Variants in NCKAP1 observed in about 807,000 individuals in gnomAD.
The protein encoded by NCKAP1 is NCK associated protein 1, also known as nck-associated protein 1.
In NCKAP1, 21 loss-of-function variants were observed where a neutral mutation model predicts 151.2. That is an observed-to-expected ratio of 0.14 (90% CI 0.10 to 0.20). The LOEUF (loss-of-function observed/expected upper bound fraction) is 0.20. Ranked by LOEUF, NCKAP1 falls within the 10% of genes least tolerant of loss-of-function variation. The pLI, the probability that NCKAP1 is intolerant of heterozygous loss-of-function variation, is 1.00. For missense variants in NCKAP1, 933 were observed against 1,352.1 expected (o/e 0.69, Z 4.86); for synonymous variants, 484 against 451.8 (o/e 1.07, Z -0.90).
At chr2:182,926,194 T>A (rs1298356378) in intron 30 of NCKAP1, among the ~76,000 whole-genome samples, 1 of 151,810 alleles carries the variant, frequency 6.6e-6, no homozygotes, top group Non-Finnish European at 1.5e-5. Context: ...AAACCAAACA[T>A]AAGACCGACT....
At chr2:182,962,021 G>A (rs1697464236) in intron 18 of NCKAP1, 138 bp downstream of exon 18, 2 of 807,780 alleles carry the variant, frequency 2.5e-6, no homozygotes, top group South Asian at 2.2e-5. Flanking sequence ...CCTGTTAATG[G>A]AGTTTCACAG....
In NCKAP1 at chr2:182,952,861, T is replaced by C; in HGVS notation, c.2435A>G (p.Lys812Arg). ...NGHIAYFPAM[K>R]AFVNLPTENE... The stretch of plus-strand genomic sequence containing the variant: ...TTCTGTAGGTAAGTTCACAAACGCT[T>C]TCATTGCAGGAAAATATGCTATATG... Residue 812 changes from lysine to arginine, a missense_variant, in exon 22 of 31, where the codon AAA becomes AGA. Physicochemically the swap from Lys to Arg is conservative, Grantham distance 26 (BLOSUM62 2). Coordinates refer to ENST00000361354, the MANE Select transcript of NCKAP1 (RefSeq NM_013436.5). The C allele has an allele frequency of 6.2e-7, 1 of 1,612,414 alleles. No individual in the cohort carries two copies.
intron 2 of NCKAP1, among the ~76,000 whole-genome samples, chr2:183,020,597 T>C (rs1473872762): frequency 6.6e-6 from 1 of 151,822 alleles, no homozygotes; most frequent in Admixed American, 6.6e-5. Flanking sequence ...GTAGAAATAG[T>C]AATAACCTAG....
At chr2:183,035,572 G>T (rs1378546354) in intron 1 of NCKAP1, among the ~76,000 whole-genome samples, 1 of 152,020 alleles carries the variant, frequency 6.6e-6, no homozygotes, top group Non-Finnish European at 1.5e-5. Context: ...AGAGTATGTG[G>T]TTTATAATGC....
intron 24 of NCKAP1, among the ~76,000 whole-genome samples, chr2:182,935,689 C>T (rs1342553119): frequency 6.6e-6 from 1 of 151,874 alleles, no homozygotes; most frequent in Non-Finnish European, 1.5e-5. Flanking sequence ...AATTATATTA[C>T]TACCTTCTGA....
chr2:182,961,438 G>A (rs980317496), intron 18 of NCKAP1, among the ~76,000 whole-genome samples: 27 of 152,122 alleles, frequency 1.8e-4, no homozygotes, highest in African/African-American at 6.3e-4. Flanking sequence ...AGGGACATGG[G>A]TGAAGCTGGA....
intron 26 of NCKAP1, among the ~76,000 whole-genome samples, chr2:182,931,120 G>A (rs1253181000): frequency 1.3e-5 from 2 of 152,072 alleles, no homozygotes; most frequent in Non-Finnish European, 2.9e-5. Context: ...AATGAACAAA[G>A]TGAATCAATA....
intron 2 of NCKAP1, chr2:183,023,068 G>A: frequency 6.6e-6 from 1 of 152,114 alleles, no homozygotes; most frequent in East Asian, 1.9e-4. Flanking sequence ...AAAAGAGGCA[G>A]CAAAGATAGT....
At chr2:182,937,566 C>G (rs1389279885) in intron 24 of NCKAP1, among the ~76,000 whole-genome samples, 1 of 152,034 alleles carries the variant, frequency 6.6e-6, no homozygotes, top group Admixed American at 6.6e-5. Flanking sequence ...ATCCTTCAAG[C>G]AATGAGGGTG....
rs930006120 is a variant in NCKAP1 at position 182,962,257 on chromosome 2, T to C, written c.1783A>G (p.Ser595Gly). Residue 595 changes from serine (S) to glycine (G), a missense_variant, in exon 18 of 31, where the codon AGT (serine) becomes GGT (glycine). Physicochemically the swap from Ser to Gly is moderately conservative, Grantham distance 56. Transcript: ENST00000361354. ...AGGAACATATTACATAAGGAAAGAC[T>C]GCGATCTCCAATATGATGTCGCTGT... ...PEERHHIGDR[S>G]LSLCNMFLDE... 5.6e-6 allele frequency: 9 copies of C among 1,608,980 alleles called. No homozygotes were observed. The highest frequency in any genetic ancestry group is 1.3e-5 in the African/African-American group (1 of 74,974).
intron 2 of NCKAP1, among the ~76,000 whole-genome samples, chr2:183,008,043 C>T (rs896761874): frequency 1.2e-4 from 18 of 152,208 alleles, no homozygotes; most frequent in South Asian, 4.1e-4. Context: ...TCTCCTGCCT[C>T]AGCCTCCCGA....
chr2:182,928,840 C>A lies in NCKAP1; in HGVS notation c.3013G>T (p.Val1005Phe). The A allele has an allele frequency of 6.2e-7, 1 of 1,612,500 alleles. No individual in the cohort carries two copies. Among genetic ancestry groups the A allele is most frequent in the East Asian group, 2.2e-5 (1 of 44,822 alleles). ...IACLLMVFVAVSLPTLASNVM... is the reference protein window; with the variant it reads ...IACLLMVFVAFSLPTLASNVM... Reference sequence around the variant, plus strand: ...TTACTGGCCAGTGTTGGCAAAGAAACTGCCACAAACACCATGAGAAGGCAG... The same window carrying A: ...TTACTGGCCAGTGTTGGCAAAGAAAATGCCACAAACACCATGAGAAGGCAG... The change falls in exon 28 of 31, where the codon GTT (valine) becomes TTT (phenylalanine). Residue 1005 changes from valine to phenylalanine, a missense_variant. Coordinates refer to ENST00000361354, the MANE Select transcript of NCKAP1 (RefSeq NM_013436.5).
rs1461111227 is a variant in NCKAP1 at position 182,953,203 on chromosome 2, A to G, written c.2282T>C (p.Ile761Thr). Residue 761 changes from isoleucine (I) to threonine (T), a missense_variant, in exon 21 of 31, where the codon ATT (isoleucine) becomes ACT (threonine). Transcript: ENST00000361354. Reference sequence around the variant, plus strand: ...AAGCACATTATTAAATACTCTTGTAATATCAATCTGCACATAGTTTTCTAT... The same window carrying G: ...AAGCACATTATTAAATACTCTTGTAGTATCAATCTGCACATAGTTTTCTAT... ...QSIENYVQIDITRVFNNVLLQ... is the reference protein window; with the variant it reads ...QSIENYVQIDTTRVFNNVLLQ... The G allele has an allele frequency of 2.5e-6, 4 of 1,612,902 alleles. No individual in the cohort carries two copies. The highest frequency in any genetic ancestry group is 1.7e-5 in the Admixed American group (1 of 60,014).
chr2:183,007,759 A>C (rs1428210636), intron 2 of NCKAP1, among the ~76,000 whole-genome samples: 1 of 152,152 alleles, frequency 6.6e-6, no homozygotes, highest in African/African-American at 2.4e-5. Flanking sequence ...GTAAGAGTGC[A>C]CTGAGATGCT....
At chr2:183,022,677 T>A (rs951159786) in intron 2 of NCKAP1, among the ~76,000 whole-genome samples, 1 of 152,150 alleles carries the variant, frequency 6.6e-6, no homozygotes, top group Non-Finnish European at 1.5e-5. Context: ...AAAACAGACT[T>A]GATTTTGTTT....
At chr2:182,982,359 G>A (rs1481036544) in intron 12 of NCKAP1, among the ~76,000 whole-genome samples, 1 of 152,132 alleles carries the variant, frequency 6.6e-6, no homozygotes, top group Non-Finnish European at 1.5e-5. Context: ...TAAGTCTCCA[G>A]ATTCCCCAGC....
At chr2:182,943,162 C>T (rs1195212650) in intron 23 of NCKAP1, among the ~76,000 whole-genome samples, 1 of 152,086 alleles carries the variant, frequency 6.6e-6, no homozygotes, top group East Asian at 1.9e-4. Flanking sequence ...GTGCTCTTTC[C>T]AAATACACAT....
intron 1 of NCKAP1, among the ~76,000 whole-genome samples, chr2:183,037,357 A>G (rs1699122911): frequency 6.6e-6 from 1 of 152,232 alleles, no homozygotes; most frequent in Non-Finnish European, 1.5e-5. Context: ...ACAGCCTAGA[A>G]GTATTTCAGA....
Position 182,923,423 on chromosome 2 carries a change from C to G in NCKAP1, c.*2279G>C, listed in dbSNP as rs1249599586. 1 of 152,082 alleles carries G rather than the reference C, an allele frequency of 6.6e-6. No individual in the cohort carries two copies. The highest frequency in any genetic ancestry group is 2.4e-5 in the African/African-American group (1 of 41,410). The allele number at this position is 152,082 out of a possible 1,614,324, so 9.4% of individuals were successfully genotyped here. A position where few individuals can be genotyped will look rare whatever the true frequency, so the allele number is the denominator to read the frequency against. On this transcript the variant is annotated 3_prime_UTR_variant, in exon 31 of 31. Transcript: ENST00000361354. The stretch of plus-strand genomic sequence containing the variant: ...ATGTAGCCAGGATGATAGGTGTGCA[C>G]CATCATACCTGGGTAATTTTTGTAT...
Sources: allele counts gnomAD v4.1 joint callset (sites outside exome capture counted in the v4.1 genomes callset), GRCh38; gene constraint gnomAD v4.1.1; transcripts MANE v1.5; gene names NCBI Gene and HGNC (gene_info 2026-07-23, HGNC 2026-07-21).